Variants in AFG2A observed in about 807,000 individuals in gnomAD.
The protein encoded by AFG2A is ATPase family gene 2 protein homolog A.
the AFG2A span, among the ~76,000 whole-genome samples, chr4:123,036,754 A>G: frequency 2.0e-5 from 3 of 152,110 alleles, no homozygotes; most frequent in East Asian, 5.8e-4. Context: ...GAATTTGGGG[A>G]AGGATTGTAT....
the AFG2A span, among the ~76,000 whole-genome samples, chr4:123,191,387 G>A: frequency 6.7e-6 from 1 of 148,368 alleles, no homozygotes; most frequent in Non-Finnish European, 1.5e-5. Flanking sequence ...CAACTACCTA[G>A]ACGCACAGTG....
chr4:123,090,199 C>T, the AFG2A span, among the ~76,000 whole-genome samples: 1 of 152,142 alleles, frequency 6.6e-6, no homozygotes, highest in African/African-American at 2.4e-5. Flanking sequence ...TTGCATCTTA[C>T]TCAGTTTTTT....
At chr4:123,209,862 T>C in the AFG2A span, among the ~76,000 whole-genome samples, 2 of 152,114 alleles carry the variant, frequency 1.3e-5, no homozygotes, top group South Asian at 4.2e-4. Flanking sequence ...TTTATAACTG[T>C]ATCTCTTGTC....
the AFG2A span, among the ~76,000 whole-genome samples, chr4:123,263,826 G>A: frequency 1.3e-5 from 2 of 152,096 alleles, no homozygotes; most frequent in South Asian, 4.2e-4. Flanking sequence ...ACTAAAAGTA[G>A]AACTACCATT....
At chr4:123,138,717 T>C in the AFG2A span, among the ~76,000 whole-genome samples, 3 of 152,068 alleles carry the variant, frequency 2.0e-5, no homozygotes, top group African/African-American at 7.2e-5. Flanking sequence ...ATTCAAAATA[T>C]ACTTTTTCAT....
chr4:123,259,259 C>G, the AFG2A span, among the ~76,000 whole-genome samples: 3 of 152,296 alleles, frequency 2.0e-5, no homozygotes, highest in South Asian at 6.2e-4. Context: ...CAGCATTGTT[C>G]TATGAAAGCT....
chr4:123,050,322 T>C, the AFG2A span, among the ~76,000 whole-genome samples: 1 of 152,046 alleles, frequency 6.6e-6, no homozygotes, highest in Non-Finnish European at 1.5e-5. Context: ...TTAGGTCCAC[T>C]TGGTGTATAG....
At chr4:123,305,102 C>A in the AFG2A span, among the ~76,000 whole-genome samples, 5 of 152,158 alleles carry the variant, frequency 3.3e-5, no homozygotes, top group African/African-American at 1.2e-4. Flanking sequence ...AAAGTGCTGG[C>A]TTCATTTTCT....
At chr4:123,089,956 G>A in the AFG2A span, among the ~76,000 whole-genome samples, 1 of 152,068 alleles carries the variant, frequency 6.6e-6, no homozygotes, top group East Asian at 1.9e-4. Flanking sequence ...AGGATAGTGT[G>A]TTTAGAACTG....
chr4:123,203,734 T>A, the AFG2A span, among the ~76,000 whole-genome samples: 2 of 152,212 alleles, frequency 1.3e-5, no homozygotes, highest in Non-Finnish European at 2.9e-5. Flanking sequence ...TATGTGAACA[T>A]AAGTTTTCAT....
the AFG2A span, among the ~76,000 whole-genome samples, chr4:123,291,775 T>C: frequency 6.6e-6 from 1 of 152,230 alleles, no homozygotes; most frequent in Non-Finnish European, 1.5e-5. Context: ...AGTTATCTGA[T>C]GCTTTTGTCT....
the AFG2A span, among the ~76,000 whole-genome samples, chr4:123,112,752 A>G: frequency 6.6e-6 from 1 of 152,108 alleles, no homozygotes; most frequent in Non-Finnish European, 1.5e-5. Context: ...AAAAGTATCC[A>G]CAGGCACAGA....
chr4:122,939,816 G>A, the AFG2A span, among the ~76,000 whole-genome samples: 12 of 152,178 alleles, frequency 7.9e-5, no homozygotes, highest in East Asian at 2.1e-3. Flanking sequence ...AGAGTGTGAT[G>A]GTCCCCTTCC....
At chr4:122,993,435 A>G in the AFG2A span, among the ~76,000 whole-genome samples, 16,461 of 152,244 alleles carry the variant, frequency 0.11, 1,002 homozygotes, top group Middle Eastern at 0.21. Context: ...AGACTTTTAT[A>G]TGGATAAACT....
chr4:123,224,879 C>A, the AFG2A span, among the ~76,000 whole-genome samples: 1 of 152,154 alleles, frequency 6.6e-6, no homozygotes, highest in Non-Finnish European at 1.5e-5. Flanking sequence ...CCTGTTGTTT[C>A]CTGACTTTAT....
the AFG2A span, among the ~76,000 whole-genome samples, chr4:123,191,476 G>T: frequency 6.6e-6 from 1 of 152,022 alleles, no homozygotes; most frequent in Non-Finnish European, 1.5e-5. Context: ...ATTAGCTCAT[G>T]TGAGTGAGTA....
chr4:123,205,972 C>T, the AFG2A span, among the ~76,000 whole-genome samples: 62 of 152,214 alleles, frequency 4.1e-4, no homozygotes, highest in African/African-American at 1.3e-3. Context: ...CCCATTCCCC[C>T]AAATCCCCAA....
At chr4:123,170,518 C>G in the AFG2A span, among the ~76,000 whole-genome samples, 2 of 152,230 alleles carry the variant, frequency 1.3e-5, no homozygotes, top group African/African-American at 4.8e-5. Flanking sequence ...CTGTCTGTAA[C>G]TGACAGTATG....
chr4:123,022,930 C>G, the AFG2A span, among the ~76,000 whole-genome samples: 1 of 150,910 alleles, frequency 6.6e-6, no homozygotes, highest in African/African-American at 2.4e-5. Context: ...TAAACTATCT[C>G]AAGGACAAAA....
Sources: gnomAD v4.1 joint callset for allele counts (sites outside exome capture counted in the v4.1 genomes callset) on GRCh38, gnomAD v4.1.1 for gene constraint, MANE v1.5 for transcripts, NCBI Gene and HGNC (gene_info 2026-07-23, HGNC 2026-07-21) for gene names.